Variants in AJAP1 observed in about 807,000 individuals in gnomAD.
The protein encoded by AJAP1 is adherens junction-associated protein 1.
AJAP1 carries 5 observed loss-of-function variants against 35.0 expected under a neutral mutation model. The observed-to-expected ratio is 0.14, with a 90% CI of 0.07 to 0.30. AJAP1 has a LOEUF of 0.30. Ranked by LOEUF, AJAP1 falls within the 10% of genes least tolerant of loss-of-function variation. The pLI is 1.00. For synonymous variants in AJAP1, 284 were observed against 249.3 expected, an observed-to-expected ratio of 1.14 and a Z score of -1.31; for missense variants, 586 against 571.0, an observed-to-expected ratio of 1.03 and a Z score of -0.27.
intron 1 of AJAP1, among the ~76,000 whole-genome samples, chr1:4,706,607 C>T (rs1260800951): frequency 6.6e-6 from 1 of 152,194 alleles, no homozygotes; most frequent in African/African-American, 2.4e-5. Context: ...TGGAACAATT[C>T]CAGGGCCTGG....
intron 1 of AJAP1, among the ~76,000 whole-genome samples, chr1:4,662,526 C>T (rs7517225): frequency 0.46 from 70,273 of 152,072 alleles, 16,558 homozygotes; most frequent in African/African-American, 0.55. Flanking sequence ...GGGGGAGCAG[C>T]GCTGCCATGA....
rs1638856607 is a variant in AJAP1 at position 4,655,444 on chromosome 1, T to A, written c.19T>A (p.Leu7Ile). The A allele has an allele frequency of 6.4e-7, 1 of 1,569,816 alleles. No homozygotes were observed. Among genetic ancestry groups the A allele is most frequent in the Admixed American group, 1.8e-5 (1 of 55,784 alleles). MWIQQLLGLSSMSIRWP... is the reference protein window; with the variant it reads MWIQQLIGLSSMSIRWP... ...CGTGACCATGTGGATTCAACAGCTTTTAGGACTCAGGTGAGCGACCCGGCC... is the reference window on the plus strand; with the variant it reads ...CGTGACCATGTGGATTCAACAGCTTATAGGACTCAGGTGAGCGACCCGGCC... Residue 7 changes from leucine (L) to isoleucine (I), a missense_variant, in exon 1 of 6, where the codon TTA (leucine) becomes ATA (isoleucine). Transcript: ENST00000378191. The surrounding 1 kb of genome is among the most constrained non-coding windows in gnomAD (Gnocchi z 6.9).
intron 1 of AJAP1, among the ~76,000 whole-genome samples, chr1:4,678,676 C>T (rs1639411759): frequency 6.6e-6 from 1 of 152,188 alleles, no homozygotes; most frequent in Non-Finnish European, 1.5e-5. Flanking sequence ...ATCACCTTTG[C>T]TGTATCCTGT....
intron 2 of AJAP1, among the ~76,000 whole-genome samples, chr1:4,713,364 G>C (rs1431703421): frequency 2.6e-5 from 4 of 152,244 alleles, no homozygotes; most frequent in African/African-American, 9.6e-5. Flanking sequence ...ACGGAGATCA[G>C]AACAAAGGGC....
At chr1:4,666,092 G>A (rs561317031) in intron 1 of AJAP1, among the ~76,000 whole-genome samples, 2 of 151,682 alleles carry the variant, frequency 1.3e-5, no homozygotes, top group South Asian at 2.1e-4. Context: ...AGGCTCCTCC[G>A]GCCCACCCAG....
chr1:4,689,016 G>A (rs4092257), intron 1 of AJAP1, among the ~76,000 whole-genome samples: 88,782 of 151,630 alleles, frequency 0.59, 26,172 homozygotes, highest in Middle Eastern at 0.69. Context: ...TCTCACATAC[G>A]TGCTCAGGCC....
At chr1:4,766,346 A>G (rs1381547836) in intron 2 of AJAP1, among the ~76,000 whole-genome samples, 4 of 152,222 alleles carry the variant, frequency 2.6e-5, no homozygotes, top group Non-Finnish European at 4.4e-5. Context: ...AGATTTACAC[A>G]TGGAAGGAAA....
intron 2 of AJAP1, among the ~76,000 whole-genome samples, chr1:4,718,812 G>T (rs532378082): frequency 6.6e-6 from 1 of 152,060 alleles, no homozygotes; most frequent in Non-Finnish European, 1.5e-5. Context: ...AGAGCTGCTG[G>T]GTTCAACTCT....
rs1171625854 is a variant in AJAP1, at chr1:4,791,567, A to C, written c.*9082A>C. 1 of 152,218 alleles carries C rather than the reference A, an allele frequency of 6.6e-6. No individual in the cohort carries two copies. The highest frequency in any genetic ancestry group is 1.5e-5 in the Non-Finnish European group (1 of 68,046). 9.4% of individuals were successfully genotyped at this position (152,218 alleles called of 1,614,324 possible). ...TTTGAAATGCATCTTTGCCAGCTGA[A>C]CTTGTCATGCACTAAACTTCCCATT... is the stretch of plus-strand genomic sequence containing the variant. On this transcript the variant is annotated 3_prime_UTR_variant, in exon 6 of 6. Transcript: ENST00000378191.
chr1:4,667,284 T>C (rs577551875), intron 1 of AJAP1, among the ~76,000 whole-genome samples: 30 of 152,160 alleles, frequency 2.0e-4, no homozygotes, highest in African/African-American at 6.7e-4. Context: ...GGCACAAAGG[T>C]GTGACAGGCC....
intron 1 of AJAP1, among the ~76,000 whole-genome samples, chr1:4,673,087 C>T (rs1639282531): frequency 6.6e-6 from 1 of 152,194 alleles, no homozygotes; most frequent in Admixed American, 6.5e-5. Context: ...AGCTTGGAAA[C>T]AGATTCTTCC....
intron 3 of AJAP1, among the ~76,000 whole-genome samples, chr1:4,770,563 G>T (rs745406019): frequency 6.6e-6 from 1 of 152,136 alleles, no homozygotes; most frequent in African/African-American, 2.4e-5. Flanking sequence ...GCTCGAAAGC[G>T]CCTTGGGGAC....
chr1:4,702,121 CCAA>C (rs749541088), intron 1 of AJAP1, among the ~76,000 whole-genome samples: 2 of 151,980 alleles, frequency 1.3e-5, no homozygotes, highest in African/African-American at 4.9e-5. Flanking sequence ...CCCCAGTATT[CCAA>C]CGTGTCCCCA....
At chr1:4,760,886 T>G (rs1226802122) in intron 2 of AJAP1, among the ~76,000 whole-genome samples, 1 of 152,202 alleles carries the variant, frequency 6.6e-6, no homozygotes, top group Non-Finnish European at 1.5e-5. Context: ...TCTGGGATTC[T>G]TGGGGTCCTG....
chr1:4,697,789 G>A (rs1208528665), intron 1 of AJAP1, among the ~76,000 whole-genome samples: 1 of 152,234 alleles, frequency 6.6e-6, no homozygotes, highest in African/African-American at 2.4e-5. Flanking sequence ...CCGTGGCACA[G>A]CCACCTCAGC....
At chr1:4,769,202 G>A (rs764115857) in intron 2 of AJAP1, among the ~76,000 whole-genome samples, 40 of 152,194 alleles carry the variant, frequency 2.6e-4, no homozygotes, top group Non-Finnish European at 5.0e-4. Context: ...GGAAGCATCC[G>A]CTGCTGGCCT....
intron 1 of AJAP1, among the ~76,000 whole-genome samples, chr1:4,666,997 A>T (rs764704055): frequency 1.4e-5 from 2 of 145,418 alleles, no homozygotes; most frequent in Non-Finnish European, 3.0e-5. Flanking sequence ...AGGAGGGTGC[A>T]GAGAGGGGCC....
chr1:4,698,997 T>G (rs1212382668), intron 1 of AJAP1, among the ~76,000 whole-genome samples: 1 of 152,188 alleles, frequency 6.6e-6, no homozygotes, highest in Non-Finnish European at 1.5e-5. Context: ...TGCAGCTGTG[T>G]ACCCCCTCCA....
chr1:4,750,645 A>T (rs1641301535), intron 2 of AJAP1, among the ~76,000 whole-genome samples: 1 of 151,058 alleles, frequency 6.6e-6, no homozygotes, highest in African/African-American at 2.4e-5. Context: ...GCAGGGCTGG[A>T]GGTAGGGTGT....
Sources: gnomAD v4.1 joint callset for allele counts (sites outside exome capture counted in the v4.1 genomes callset) on GRCh38, gnomAD v4.1.1 for gene constraint, Gnocchi (gnomAD v3.1) non-coding constraint, MANE v1.5 for transcripts, NCBI Gene and HGNC (gene_info 2026-07-23, HGNC 2026-07-21) for gene names.